KIF26A: variants seen among roughly 807,000 people sequenced by gnomAD.
KIF26A encodes kinesin family member 26A.
Under a neutral mutation model 126.0 loss-of-function variants are expected in KIF26A, and 74 were observed. The observed-to-expected ratio is 0.59, with a 90% CI of 0.49 to 0.71. KIF26A has a LOEUF of 0.71. Among genes scored for constraint, KIF26A ranks in the 30% least tolerant of loss-of-function variants. The pLI is 0.00. For synonymous variants in KIF26A, 1,445 were observed against 1,232.7 expected (o/e 1.17, Z -3.61); for missense variants, 2,984 against 2,763.3 (o/e 1.08, Z -1.79).
Position 104,178,657 on chromosome 14 carries a change from G to A in KIF26A, c.5218G>A (p.Gly1740Ser). ...QWVDLPPPLA[G>S]SLKEPFEIKV... is the part of the protein sequence containing the mutation. Reference sequence around the variant, plus strand: ...GGTGGACCTGCCCCCGCCCCTGGCTGGCTCCCTGAAGGAGCCGTTCGAGAT... The same window carrying A: ...GGTGGACCTGCCCCCGCCCCTGGCTAGCTCCCTGAAGGAGCCGTTCGAGAT... Residue 1740 changes from glycine to serine, a missense_variant, in exon 13 of 15, where the codon GGC (glycine) becomes AGC (serine). Coordinates refer to ENST00000423312, the MANE Select transcript of KIF26A (RefSeq NM_015656.2). The A allele has an allele frequency of 6.4e-7, 1 of 1,556,164 alleles. No individual in the cohort carries two copies. The highest frequency in any genetic ancestry group is 8.7e-7 in the Non-Finnish European group (1 of 1,150,796).
chr14:104,152,129 C>G lies in KIF26A; in HGVS notation c.403C>G (p.Leu135Val), dbSNP rs1265102900. The change falls in exon 3 of 15, where the codon CTC (leucine) becomes GTC (valine). Residue 135 changes from leucine (L) to valine (V), a missense_variant. By Grantham distance (32) the Leu-to-Val change is conservative. Transcript: ENST00000423312. This position sits in a 1 kb window ranked among gnomAD's most constrained non-coding sequence, Gnocchi z 5.9. Reference protein sequence around the residue: ...CDVCATHLQQLTREAMHLLQA... With the variant: ...CDVCATHLQQVTREAMHLLQA... Reference sequence around the variant, plus strand: ...CGTCTGCGCCACACACCTGCAGCAGCTCACACGGGAGGCCATGCACCTGCT... The same window carrying G: ...CGTCTGCGCCACACACCTGCAGCAGGTCACACGGGAGGCCATGCACCTGCT... 1.9e-6 allele frequency: 3 copies of G among 1,611,906 alleles called. No individual in the cohort carries two copies. The highest frequency in any genetic ancestry group is 2.5e-6 in the Non-Finnish European group (3 of 1,179,682).
intron 4 of KIF26A, among the ~76,000 whole-genome samples, chr14:104,164,706 TGTGTGTGA>T (rs748911077): frequency 0.012 from 1,699 of 142,340 alleles, 16 homozygotes; most frequent in Middle Eastern, 0.021. Context: ...TGTGTGTGTA[TGTGTGTGA>T]GTGTGTGTGC....
chr14:104,139,160 G>T lies in KIF26A; in HGVS notation c.160G>T (p.Ala54Ser), dbSNP rs1329812646. 1.3e-6 allele frequency: 2 copies of T among 1,521,748 alleles called. No homozygotes were observed. Among genetic ancestry groups the T allele is most frequent in the Non-Finnish European group, 8.8e-7 (1 of 1,135,206 alleles). The allele number at this position is 1,521,748 out of a possible 1,614,324, so 94.3% of individuals were successfully genotyped here. ...CGGCAGCCGCCCTGCTCCCGAAGGCGCCGGGGCCGGCCCAGAGCAGGGCCA... is the reference window on the plus strand; with the variant it reads ...CGGCAGCCGCCCTGCTCCCGAAGGCTCCGGGGCCGGCCCAGAGCAGGGCCA... Reference protein sequence around the residue: ...PCGSRPAPEGAGAGPEQGHSA... With the variant: ...PCGSRPAPEGSGAGPEQGHSA... Residue 54 changes from alanine (A) to serine (S), a missense_variant, in exon 2 of 15, where the codon GCC (alanine) becomes TCC (serine). Ala to Ser is a moderately conservative substitution (Grantham distance 99, BLOSUM62 1). Coordinates refer to ENST00000423312, the MANE Select transcript of KIF26A (RefSeq NM_015656.2).
At chr14:104,166,666 C>T (rs555765263) in intron 4 of KIF26A, among the ~76,000 whole-genome samples, 193 bp from the exon 5 acceptor site, 24 of 150,464 alleles carry the variant, frequency 1.6e-4, no homozygotes, top group African/African-American at 5.7e-4. Context: ...GGGGCAGGGA[C>T]GCCATGGAGG....
chr14:104,138,954 A>G, intron 1 of KIF26A, 89 bp from the exon 2 acceptor site: 1 of 1,302,252 alleles, frequency 7.7e-7, no homozygotes, highest in Non-Finnish European at 9.7e-7. Context: ...AACTTTGGCA[A>G]GAGCGTCACG....
rs767696287 is a variant in KIF26A, at chr14:104,176,724, G to T, written c.3936G>T (p.Thr1312=). 3.8e-6 allele frequency: 6 copies of T among 1,585,768 alleles called. No individual in the cohort carries two copies. Among genetic ancestry groups the T allele is most frequent in the South Asian group, 1.1e-5 (1 of 87,980 alleles). The change falls in exon 12 of 15, where the codon ACG becomes ACT. Residue 1312 remains threonine, a synonymous_variant. Transcript: ENST00000423312. ...CACCGCTGCGGAGGGGTGCCACCAC[G>T]CTGGGTGTGACAACGCCAGCTGTGT... ...RIPPLRRGAT[T]LGVTTPAVSW...
intron 2 of KIF26A, among the ~76,000 whole-genome samples, chr14:104,143,388 T>C (rs1387608926): frequency 6.6e-6 from 1 of 152,230 alleles, no homozygotes; most frequent in African/African-American, 2.4e-5. Flanking sequence ...TGGCGAGTCC[T>C]GTTTCTCCTT....
chr14:104,143,757 T>C (rs1025851833), intron 2 of KIF26A, among the ~76,000 whole-genome samples: 8 of 152,236 alleles, frequency 5.3e-5, no homozygotes, highest in African/African-American at 1.7e-4. Flanking sequence ...CGGCTTCCAC[T>C]GCTGCCAGGG....
rs772280562 is a variant in KIF26A at position 104,176,416 on chromosome 14, C to A, written c.3628C>A (p.Leu1210Ile). ...ASAAQTIHSS[L>I]PRKPRTASAT... is the part of the protein sequence containing the mutation. ...CGCAGCCCAGACCATCCACTCCAGC[C>A]TCCCCCGGAAACCGAGGACTGCCTC... is the stretch of plus-strand genomic sequence containing the variant. Residue 1210 changes from leucine (L) to isoleucine (I), a missense_variant, in exon 12 of 15, where the codon CTC (leucine) becomes ATC (isoleucine). Transcript: ENST00000423312. The A allele has an allele frequency of 6.3e-7, 1 of 1,593,610 alleles. No individual in the cohort carries two copies. Among genetic ancestry groups the A allele is most frequent in the African/African-American group, 1.3e-5 (1 of 74,700 alleles).
At position 104,176,806 on chromosome 14, in the gene KIF26A, C is replaced by A. The variant is rs762786978; in HGVS notation, c.4018C>A (p.Pro1340Thr). Residue 1340 changes from proline (P) to threonine (T), a missense_variant, in exon 12 of 15, where the codon CCC becomes ACC. Pro to Thr is a conservative substitution (Grantham distance 38). Coordinates refer to ENST00000423312, the MANE Select transcript of KIF26A (RefSeq NM_015656.2). Reference protein sequence around the residue: ...VACSGSLKASPTSKKGLAPKA... With the variant: ...VACSGSLKASTTSKKGLAPKA... ...CTGCTCGGGGAGCCTGAAGGCCTCC[C>A]CCACCAGCAAGAAGGGTCTGGCTCC... The A allele has an allele frequency of 1.3e-4, 197 of 1,563,404 alleles. 1 individual carries two copies. Among genetic ancestry groups the A allele is most frequent in the Non-Finnish European group, 1.6e-4 (186 of 1,155,320 alleles).
chr14:104,150,203 A>AC (rs1243940536), intron 2 of KIF26A, among the ~76,000 whole-genome samples: 6 of 22,810 alleles, frequency 2.6e-4, no homozygotes, highest in African/African-American at 7.7e-4. Flanking sequence ...CCCCTCCCCC[A>AC]CCCCCTCCTC....
In KIF26A at chr14:104,178,708, G is replaced by A; in HGVS notation, c.5269G>A (p.Glu1757Lys). Reference sequence around the variant, plus strand: ...CAAGGTGTACGAGATCGATGACGTGGAGCGCCTTCAGCGGCCCCGCCCCAC... The same window carrying A: ...CAAGGTGTACGAGATCGATGACGTGAAGCGCCTTCAGCGGCCCCGCCCCAC... ...EIKVYEIDDV[E>K]RLQRPRPTPR... Residue 1757 changes from glutamate to lysine, a missense_variant, in exon 13 of 15, where the codon GAG becomes AAG. Physicochemically the swap from Glu to Lys is moderately conservative, Grantham distance 56. Transcript: ENST00000423312. 6.4e-7 allele frequency: 1 copy of A among 1,561,852 alleles called. No homozygotes were observed. Among genetic ancestry groups the A allele is most frequent in the Non-Finnish European group, 8.7e-7 (1 of 1,153,196 alleles).
rs1274841541 is a variant in KIF26A at position 104,173,844 on chromosome 14, A to G, written c.2006A>G (p.Asn669Ser). The G allele has an allele frequency of 4.4e-6, 7 of 1,597,710 alleles. No individual in the cohort carries two copies. Among genetic ancestry groups the G allele is most frequent in the Non-Finnish European group, 3.4e-6 (4 of 1,177,408 alleles). Residue 669 changes from asparagine (N) to serine (S), a missense_variant, in exon 10 of 15, where the codon AAC becomes AGC. Physicochemically the swap from Asn to Ser is conservative, Grantham distance 46. Coordinates refer to ENST00000423312, the MANE Select transcript of KIF26A (RefSeq NM_015656.2). ...ALGSVILALV[N>S]GAKHVPYRDH... ...GGCAGCGTCATCTTGGCCCTGGTCA[A>G]CGGAGCCAAGCATGTGCCGTATCGG...
intron 12 of KIF26A, 68 bp downstream of exon 12, chr14:104,177,966 T>G: frequency 7.2e-7 from 1 of 1,389,056 alleles, no homozygotes; most frequent in Non-Finnish European, 9.4e-7. Flanking sequence ...CACAGCCCTC[T>G]ACAGTTTACA....
In KIF26A at chr14:104,175,884, G is replaced by T; in HGVS notation, c.3096G>T (p.Leu1032=). 1.3e-6 allele frequency: 2 copies of T among 1,541,372 alleles called. No individual in the cohort carries two copies. The highest frequency in any genetic ancestry group is 1.7e-6 in the Non-Finnish European group (2 of 1,148,440). The change falls in exon 12 of 15, where the codon CTG becomes CTT. Residue 1032 remains leucine, a synonymous_variant. Coordinates refer to ENST00000423312, the MANE Select transcript of KIF26A (RefSeq NM_015656.2). ...RPVELNGEDE[L]VFTVVEELSL... is the part of the protein sequence containing the mutation. ...TGGAGCTCAACGGCGAGGACGAGCT[G>T]GTGTTCACGGTGGTGGAGGAGCTGT...
At chr14:104,146,640 G>A (rs1032793441) in intron 2 of KIF26A, among the ~76,000 whole-genome samples, 5 of 152,186 alleles carry the variant, frequency 3.3e-5, no homozygotes, top group African/African-American at 1.2e-4. Context: ...CTTCTCCACT[G>A]TGTTTCCATA....
chr14:104,151,598 C>A lies in KIF26A; in HGVS notation c.289-417C>A, dbSNP rs2037729912. On this transcript the variant is annotated intron_variant, in intron 2 of 14. Transcript: ENST00000423312. The surrounding 1 kb of genome is among the most constrained non-coding windows in gnomAD (Gnocchi z 4.9). ...AGAGGGTCTCCTGCCCCTGGCTCTG[C>A]CTTGAGTGAGTGTGGGTGAGGGAGG... 6.6e-6 allele frequency among the ~76,000 whole-genome samples: 1 copy of A among 152,216 alleles called. No homozygotes were observed. The highest frequency in any genetic ancestry group is 2.4e-5 in the African/African-American group (1 of 41,456).
chr14:104,167,302 G>A (rs774756439), intron 5 of KIF26A, among the ~76,000 whole-genome samples: 45 of 152,188 alleles, frequency 3.0e-4, no homozygotes, highest in Middle Eastern at 6.8e-3. Flanking sequence ...TAGGTTCAGC[G>A]TGGGGCGGGA....
rs534129597 is a variant in KIF26A, at chr14:104,167,390, G to A, written c.1113+342G>A. Among the ~76,000 whole-genome samples the A allele has an allele frequency of 1.1e-3, 170 of 152,254 alleles. 1 individual carries two copies. The highest frequency in any genetic ancestry group is 6.0e-4 in the Non-Finnish European group (41 of 68,006). ...CCCCTTGCGTAGGCTCCACTGAGACGCAGCCCTGAGGGGGCTGGGGGCAGG... is the reference window on the plus strand; with the variant it reads ...CCCCTTGCGTAGGCTCCACTGAGACACAGCCCTGAGGGGGCTGGGGGCAGG... On this transcript the variant is annotated intron_variant, in intron 5 of 14. Transcript: ENST00000423312.
Sources: gnomAD v4.1 joint callset for allele counts (sites outside exome capture counted in the v4.1 genomes callset) on GRCh38, gnomAD v4.1.1 for gene constraint, Gnocchi (gnomAD v3.1) non-coding constraint, MANE v1.5 for transcripts, NCBI Gene and HGNC (gene_info 2026-07-23, HGNC 2026-07-21) for gene names.